ATAD2B: variants seen among roughly 807,000 people sequenced by gnomAD.
ATAD2B encodes the protein ATPase family AAA domain containing 2B.
A neutral mutation model predicts 167.6 loss-of-function variants in ATAD2B; 40 were observed. The observed-to-expected ratio is 0.24, with a 90% CI of 0.19 to 0.31. The LOEUF (loss-of-function observed/expected upper bound fraction) is 0.31, where lower values mean the gene tolerates loss of function less well. ATAD2B is among the 10% of genes least tolerant of loss of function. The pLI is 1.00. For synonymous variants in ATAD2B, 579 were observed against 596.5 expected (o/e 0.97, Z 0.43); for missense variants, 1,242 against 1,757.2 (o/e 0.71, Z 5.24).
At chr2:23,753,588 G>C (rs1675606450) in intron 27 of ATAD2B, among the ~76,000 whole-genome samples, 1 of 152,114 alleles carries the variant, frequency 6.6e-6, no homozygotes, top group Non-Finnish European at 1.5e-5. Flanking sequence ...ATTTATACAG[G>C]AAGAATTTCC....
the ATAD2B span, among the ~76,000 whole-genome samples, chr2:23,740,091 G>C: frequency 3.3e-5 from 5 of 152,202 alleles, no homozygotes; most frequent in Admixed American, 1.3e-4. Flanking sequence ...TCCAGGACCA[G>C]ATGGATTCAC....
intron 1 of ATAD2B, among the ~76,000 whole-genome samples, chr2:23,920,082 C>T (rs1361566804): frequency 6.6e-6 from 1 of 150,898 alleles, no homozygotes; most frequent in Non-Finnish European, 1.5e-5. Flanking sequence ...ACCCGCGAAG[C>T]GGAGGTTGCA....
chr2:23,702,025 G>GT, the ATAD2B span, among the ~76,000 whole-genome samples: 2 of 149,774 alleles, frequency 1.3e-5, no homozygotes, highest in African/African-American at 4.9e-5. Context: ...GTTTCTCCAT[G>GT]TTGGTGAGCC....
At chr2:23,807,541 G>C (rs1371057825) in intron 18 of ATAD2B, among the ~76,000 whole-genome samples, 1 of 152,054 alleles carries the variant, frequency 6.6e-6, no homozygotes, top group African/African-American at 2.4e-5. Context: ...CTTGGTTTGA[G>C]ACCCAAATGC....
At chr2:23,761,575 A>T (rs1343925939) in intron 24 of ATAD2B, among the ~76,000 whole-genome samples, 1 of 152,224 alleles carries the variant, frequency 6.6e-6, no homozygotes, top group Non-Finnish European at 1.5e-5. Flanking sequence ...TACCAGAAAA[A>T]CAGCATGTAT....
At chr2:23,729,370 C>A in the ATAD2B span, among the ~76,000 whole-genome samples, 1 of 152,286 alleles carries the variant, frequency 6.6e-6, no homozygotes, top group East Asian at 1.9e-4. Context: ...AGGAGATTCA[C>A]AGCAACTAAC....
rs769892543 is a variant in ATAD2B at position 23,798,351 on chromosome 2, A to G, written c.2455-28T>C. The G allele has an allele frequency of 1.5e-4, 223 of 1,524,122 alleles. 1 individual carries two copies. The highest frequency in any genetic ancestry group is 2.7e-5 in the Non-Finnish European group (30 of 1,114,288). The allele number at this position is 1,524,122 out of a possible 1,614,324, so 94.4% of individuals were successfully genotyped here. A position where few individuals can be genotyped will look rare whatever the true frequency, so the allele number is the denominator to read the frequency against. ...AATTAAGGAAAAAAACCAACATTAA[A>G]CAACTCAAATTGATTATTCTAAAGT... On this transcript the variant is annotated intron_variant, in intron 18 of 27. Transcript: ENST00000238789.
the ATAD2B span, among the ~76,000 whole-genome samples, chr2:23,698,194 G>A: frequency 2.0e-5 from 3 of 152,314 alleles, no homozygotes; most frequent in East Asian, 3.9e-4. Flanking sequence ...CAGTGTGAGC[G>A]AGACCACCCC....
chr2:23,867,692 G>A, intron 10 of ATAD2B, 143 bp downstream of exon 10: 1 of 586,244 alleles, frequency 1.7e-6, no homozygotes, highest in Non-Finnish European at 3.0e-6. Flanking sequence ...TTGTGGCTAG[G>A]GTTCTTAGGT....
At chr2:23,850,616 T>C (rs1350546727) in intron 13 of ATAD2B, among the ~76,000 whole-genome samples, 1 of 151,990 alleles carries the variant, frequency 6.6e-6, no homozygotes, top group Non-Finnish European at 1.5e-5. Flanking sequence ...ATTATGGAGA[T>C]AGTAAAAAGA....
chr2:23,771,749 T>G (rs765264907), intron 22 of ATAD2B, among the ~76,000 whole-genome samples: 1 of 152,232 alleles, frequency 6.6e-6, no homozygotes, highest in African/African-American at 2.4e-5. Context: ...GGCCCCTGTG[T>G]GAACTTTAAG....
intron 13 of ATAD2B, among the ~76,000 whole-genome samples, chr2:23,836,013 C>G (rs1419649831): frequency 6.6e-6 from 1 of 152,136 alleles, no homozygotes; most frequent in Non-Finnish European, 1.5e-5. Flanking sequence ...GGCTGGAAAC[C>G]TCTGTGGCTG....
intron 7 of ATAD2B, among the ~76,000 whole-genome samples, chr2:23,878,269 G>A (rs1236637535): frequency 6.6e-6 from 1 of 151,880 alleles, no homozygotes; most frequent in African/African-American, 2.4e-5. Flanking sequence ...GCTGAGGCAG[G>A]AGAATCGCTT....
chr2:23,681,579 C>T, the ATAD2B span, among the ~76,000 whole-genome samples: 1 of 152,160 alleles, frequency 6.6e-6, no homozygotes, highest in East Asian at 1.9e-4. This position sits in a 1 kb window ranked among gnomAD's most constrained non-coding sequence, Gnocchi z 4.2. Flanking sequence ...CATGTGGGGC[C>T]ACATCTGTCA....
chr2:23,756,354 T>C (rs530230477), intron 25 of ATAD2B, among the ~76,000 whole-genome samples: 11 of 152,238 alleles, frequency 7.2e-5, no homozygotes, highest in South Asian at 2.1e-4. Flanking sequence ...AATATTTTCC[T>C]GCTTCCTAAC....
At chr2:23,853,508 A>G (rs779940123) in intron 13 of ATAD2B, among the ~76,000 whole-genome samples, 2 of 152,252 alleles carry the variant, frequency 1.3e-5, no homozygotes, top group Admixed American at 1.3e-4. Context: ...TAAACAAAAG[A>G]TGCCTAAGAT....
At chr2:23,696,619 A>T in the ATAD2B span, 1 of 884,486 alleles carries the variant, frequency 1.1e-6, no homozygotes, top group South Asian at 1.8e-5. This position sits in a 1 kb window ranked among gnomAD's most constrained non-coding sequence, Gnocchi z 5.5. Context: ...GATGGAGCAG[A>T]GCCTGGACCA....
intron 8 of ATAD2B, chr2:23,872,776 C>G (rs1301351634): frequency 1.1e-6 from 1 of 936,830 alleles, no homozygotes; most frequent in Non-Finnish European, 1.7e-6. Flanking sequence ...CTACAGGCAA[C>G]CACATCTGAT....
In ATAD2B at chr2:23,757,506, CTCAAGA is replaced by C. The variant is rs909670685; in HGVS notation, c.3984_3989del (p.Asp1328_Leu1329del). 15 of 1,573,092 alleles carry C rather than the reference CTCAAGA, an allele frequency of 9.5e-6. 1 individual carries two copies. Among genetic ancestry groups the C allele is most frequent in the Admixed American group, 7.6e-5 (4 of 52,512 alleles). On this transcript the variant is annotated inframe_deletion, in exon 25 of 28. Transcript: ENST00000238789. The stretch of plus-strand genomic sequence containing the variant: ...TGCTACATTCCAGTGCCTCTAGTTT[CTCAAGA>C]TCATCTCCATGATTTTCAGTCGAAG...
Sources: gnomAD v4.1 joint callset for allele counts (sites outside exome capture counted in the v4.1 genomes callset) on GRCh38, gnomAD v4.1.1 for gene constraint, Gnocchi (gnomAD v3.1) non-coding constraint, MANE v1.5 for transcripts, NCBI Gene and HGNC (gene_info 2026-07-23, HGNC 2026-07-21) for gene names.